Variants in COLEC12 observed in about 807,000 individuals in gnomAD.
COLEC12 encodes the protein collectin subfamily member 12.
COLEC12 carries 33 observed loss-of-function variants against 71.1 expected under a neutral mutation model. The ratio of observed to expected loss-of-function variants is 0.46; its 90% CI spans 0.35 to 0.62. COLEC12 has a LOEUF of 0.62. Ranked by LOEUF, COLEC12 falls within the 20% of genes least tolerant of loss-of-function variation. The pLI, the probability that COLEC12 is intolerant of heterozygous loss-of-function variation, is 0.00. For synonymous variants in COLEC12, 350 were observed against 353.0 expected (o/e 0.99, Z 0.10); for missense variants, 765 against 916.1 (o/e 0.84, Z 2.13).
chr18:436,452 T>C (rs1419308454), intron 2 of COLEC12, among the ~76,000 whole-genome samples: 1 of 126,692 alleles, frequency 7.9e-6, no homozygotes, highest in Non-Finnish European at 1.6e-5. Flanking sequence ...GAGGTGGAGG[T>C]TGCAGTGAGC....
intron 2 of COLEC12, among the ~76,000 whole-genome samples, chr18:401,663 T>C (rs535336071): frequency 1.3e-5 from 2 of 152,332 alleles, no homozygotes; most frequent in Admixed American, 1.3e-4. Context: ...TATCCCAACG[T>C]TTTTGCTTAC....
chr18:364,302 G>C (rs1300727338), intron 2 of COLEC12, among the ~76,000 whole-genome samples: 2 of 152,184 alleles, frequency 1.3e-5, no homozygotes, highest in African/African-American at 4.8e-5. Context: ...GTGTCTGCCA[G>C]AATATATAGT....
At chr18:474,595 A>G (rs559760093) in intron 2 of COLEC12, among the ~76,000 whole-genome samples, 20 of 152,280 alleles carry the variant, frequency 1.3e-4, no homozygotes, top group African/African-American at 4.3e-4. Flanking sequence ...TCCTCAGTTT[A>G]TATAAAAAGC....
At position 348,156 on chromosome 18, in the gene COLEC12, C is replaced by T. The variant is rs751196727; in HGVS notation, c.189G>A (p.Glu63=). Residue 63 remains glutamate, a synonymous_variant, in exon 4 of 10, where the codon GAG becomes GAA. Coordinates refer to ENST00000400256, the MANE Select transcript of COLEC12 (RefSeq NM_130386.3). ...TGCCACCTGTGACATTGTCCATTTT[C>T]TCTACAACTAAGATTTGGAAAATGA... ...TVAILGYKVV[E]KMDNVTGGME... 14 of 1,610,814 alleles carry T rather than the reference C, an allele frequency of 8.7e-6. No individual in the cohort carries two copies. The highest frequency in any genetic ancestry group is 1.7e-6 in the Non-Finnish European group (2 of 1,177,092).
intron 2 of COLEC12, among the ~76,000 whole-genome samples, chr18:412,458 A>T (rs2143637998): frequency 6.6e-6 from 1 of 151,256 alleles, no homozygotes; most frequent in South Asian, 2.1e-4. Flanking sequence ...CTGAAAAATT[A>T]GCTAAAGAAA....
rs928740634 is a variant in COLEC12 at position 317,011 on chromosome 18, G to A, written c.*3034C>T. 2.2e-4 allele frequency: 34 copies of A among 152,186 alleles called. No homozygotes were observed. Among genetic ancestry groups the A allele is most frequent in the African/African-American group, 8.2e-4 (34 of 41,440 alleles). 9.4% of individuals were successfully genotyped at this position (152,186 alleles called of 1,614,324 possible). On this transcript the variant is annotated 3_prime_UTR_variant, in exon 10 of 10. Transcript: ENST00000400256. ...GGCCAAGGCGGGTGGATCACCTGAGGTCAGGAGTTTGAGACCAGCCTGGCC... is the reference window on the plus strand; with the variant it reads ...GGCCAAGGCGGGTGGATCACCTGAGATCAGGAGTTTGAGACCAGCCTGGCC...
chr18:343,547 T>C (rs1000795214), intron 5 of COLEC12, among the ~76,000 whole-genome samples: 1 of 152,018 alleles, frequency 6.6e-6, no homozygotes, highest in Non-Finnish European at 1.5e-5. Flanking sequence ...TGTGAAAATA[T>C]AAAGCAGATC....
chr18:433,202 C>T (rs1321067426), intron 2 of COLEC12, among the ~76,000 whole-genome samples: 2 of 152,164 alleles, frequency 1.3e-5, no homozygotes, highest in African/African-American at 4.8e-5. Flanking sequence ...AAATAAGAAG[C>T]AGCACTTATT....
intron 2 of COLEC12, among the ~76,000 whole-genome samples, chr18:364,061 G>A (rs551414747): frequency 2.0e-5 from 3 of 152,158 alleles, no homozygotes; most frequent in East Asian, 1.9e-4. Context: ...ACTCTTCGAC[G>A]TTCATGCTGA....
intron 2 of COLEC12, among the ~76,000 whole-genome samples, chr18:376,012 A>G (rs1021071866): frequency 1.3e-5 from 2 of 152,234 alleles, no homozygotes; most frequent in African/African-American, 4.8e-5. Flanking sequence ...ATGGAGGCTC[A>G]GAGTAATTTA....
At chr18:393,054 AC>A (rs1390279137) in intron 2 of COLEC12, among the ~76,000 whole-genome samples, 3 of 152,200 alleles carry the variant, frequency 2.0e-5, no homozygotes, top group African/African-American at 7.2e-5. Flanking sequence ...TCCTCTAGAT[AC>A]CCTAAGTTGT....
chr18:435,309 G>T (rs1916382801), intron 2 of COLEC12, among the ~76,000 whole-genome samples: 2 of 152,202 alleles, frequency 1.3e-5, no homozygotes, highest in Non-Finnish European at 2.9e-5. Flanking sequence ...TTGCTGGGGA[G>T]GCCTCAGGAA....
At chr18:385,559 G>A (rs527933876) in intron 2 of COLEC12, among the ~76,000 whole-genome samples, 4 of 152,146 alleles carry the variant, frequency 2.6e-5, no homozygotes, top group South Asian at 2.1e-4. Context: ...TCCTGACCTC[G>A]TGATCCACCC....
intron 2 of COLEC12, among the ~76,000 whole-genome samples, chr18:385,821 C>A (rs1484548756): frequency 6.6e-6 from 1 of 152,094 alleles, no homozygotes; most frequent in African/African-American, 2.4e-5. Context: ...ATGGAAATAC[C>A]ACAGAAAATT....
At chr18:482,173 T>C (rs1485169752) in intron 1 of COLEC12, among the ~76,000 whole-genome samples, 1 of 150,944 alleles carries the variant, frequency 6.6e-6, no homozygotes, top group African/African-American at 2.4e-5. Flanking sequence ...TGAAGTGCAG[T>C]GGCGCGATCT....
At chr18:434,050 G>A (rs546471748) in intron 2 of COLEC12, among the ~76,000 whole-genome samples, 4 of 151,210 alleles carry the variant, frequency 2.6e-5, no homozygotes, top group African/African-American at 7.3e-5. Flanking sequence ...AAAGAGAAGA[G>A]AAGAGCCAAA....
Position 346,106 on chromosome 18 carries a change from C to T in COLEC12, c.1327+189G>A, listed in dbSNP as rs575951610. Among the ~76,000 whole-genome samples, 1 of 152,324 alleles carries T rather than the reference C, an allele frequency of 6.6e-6. No individual in the cohort carries two copies. Among genetic ancestry groups the T allele is most frequent in the East Asian group, 1.9e-4 (1 of 5,184 alleles). ...AGCCTTCAGATGACTGCAGCTCTGG[C>T]TGAGATCTTGACACAACCTCATGAA... On this transcript the variant is annotated intron_variant, in intron 5 of 9. Transcript: ENST00000400256. This position sits in a 1 kb window ranked among gnomAD's most constrained non-coding sequence, Gnocchi z 4.0.
intron 1 of COLEC12, among the ~76,000 whole-genome samples, chr18:481,944 G>T (rs1263295131): frequency 6.6e-6 from 1 of 151,912 alleles, no homozygotes; most frequent in Admixed American, 6.6e-5. Context: ...GGTTCCGGGG[G>T]TACATGTGCA....
chr18:478,638 C>G lies in COLEC12; in HGVS notation c.58+2069G>C, dbSNP rs1181794066. On this transcript the variant is annotated intron_variant, in intron 2 of 9. Coordinates refer to ENST00000400256, the MANE Select transcript of COLEC12 (RefSeq NM_130386.3). ...AAAACTAAAATAATAAAATAAAACA[C>G]AAAAAACACCTCAAAGACTCTTCCA... Among the ~76,000 whole-genome samples the G allele has an allele frequency of 7.2e-5, 11 of 152,040 alleles. 1 individual carries two copies. Among genetic ancestry groups the G allele is most frequent in the Admixed American group, 6.6e-5 (1 of 15,246 alleles).
Sources: gnomAD v4.1 joint callset for allele counts (sites outside exome capture counted in the v4.1 genomes callset) on GRCh38, gnomAD v4.1.1 for gene constraint, Gnocchi (gnomAD v3.1) non-coding constraint, MANE v1.5 for transcripts, NCBI Gene and HGNC (gene_info 2026-07-23, HGNC 2026-07-21) for gene names.